Variants in RSF1 observed in about 807,000 individuals in gnomAD.
The protein encoded by RSF1 is remodeling and spacing factor 1, also known as HBV pX-associated protein 8.
Under a neutral mutation model 145.2 loss-of-function variants are expected in RSF1, and 13 were observed. The ratio of observed to expected loss-of-function variants is 0.09; its 90% CI spans 0.06 to 0.14. The LOEUF (loss-of-function observed/expected upper bound fraction) is 0.14. RSF1 is among the 10% of genes least tolerant of loss of function. The pLI, the probability that RSF1 is intolerant of heterozygous loss-of-function variation, is 1.00. For missense variants in RSF1, 1,517 were observed against 1,718.2 expected (o/e 0.88, Z 2.07); for synonymous variants, 577 against 592.6 (o/e 0.97, Z 0.38).
chr11:77,700,383 C>G (rs1278133615), intron 6 of RSF1, among the ~76,000 whole-genome samples: 4 of 128,358 alleles, frequency 3.1e-5, no homozygotes, highest in African/African-American at 8.7e-5. Context: ...AAAAAGACTG[C>G]AAAGATACTA....
At chr11:77,775,352 G>A (rs1212334831) in intron 1 of RSF1, among the ~76,000 whole-genome samples, 1 of 152,072 alleles carries the variant, frequency 6.6e-6, no homozygotes, top group Non-Finnish European at 1.5e-5. Context: ...TGATACAGAA[G>A]AGATGAAAAA....
upstream of RSF1, chr11:77,821,033 G>C: frequency 2.1e-6 from 1 of 478,766 alleles, no homozygotes; most frequent in Non-Finnish European, 3.7e-6. Context: ...GCGGGGCGGG[G>C]AGGCGGGCTG....
rs376528132 is a variant in RSF1 at position 77,678,067 on chromosome 11, G to A, written c.3133+19C>T. The A allele has an allele frequency of 1.4e-5, 23 of 1,596,198 alleles. No individual in the cohort carries two copies. In the African/African-American group the frequency reaches 2.1e-4, roughly 15 times the overall value. On this transcript the variant is annotated intron_variant, in intron 12 of 15. Transcript: ENST00000308488. The stretch of plus-strand genomic sequence containing the variant: ...TCTTGGCAGAGTTCTATGAAGAAGA[G>A]AGAACGACAAACACATACCTCCTCC...
At chr11:77,835,694 G>A in the RSF1 span, among the ~76,000 whole-genome samples, 1 of 152,068 alleles carries the variant, frequency 6.6e-6, no homozygotes. Context: ...TGAGGTGGGC[G>A]GATCGCTTGA....
At chr11:77,696,614 C>G (rs1181825139) in intron 7 of RSF1, among the ~76,000 whole-genome samples, 1 of 152,170 alleles carries the variant, frequency 6.6e-6, no homozygotes, top group East Asian at 1.9e-4. Flanking sequence ...GCCATTGCTG[C>G]CTTAGGTAAA....
At chr11:77,786,046 C>T (rs553921378) in intron 1 of RSF1, among the ~76,000 whole-genome samples, 25 of 147,788 alleles carry the variant, frequency 1.7e-4, no homozygotes, top group South Asian at 1.3e-3. Context: ...TTTAACATTT[C>T]CATAAGGCAA....
At chr11:77,836,276 G>A in the RSF1 span, among the ~76,000 whole-genome samples, 5 of 152,156 alleles carry the variant, frequency 3.3e-5, no homozygotes, top group East Asian at 1.9e-4. Flanking sequence ...CCCCAAAAAC[G>A]ACTGTAGTTA....
chr11:77,687,253 G>A (rs542263818), intron 9 of RSF1, among the ~76,000 whole-genome samples: 1 of 152,236 alleles, frequency 6.6e-6, no homozygotes, highest in South Asian at 2.1e-4. Flanking sequence ...GGGAGAATCA[G>A]CAAACACCAA....
Position 77,820,688 on chromosome 11 carries a change from C to A in RSF1, c.27G>T (p.Ala9=), listed in dbSNP as rs754754871. 4.8e-5 allele frequency: 74 copies of A among 1,552,040 alleles called. No homozygotes were observed. In the Middle Eastern group the frequency reaches 1.7e-3, roughly 35 times the overall value. The change falls in exon 1 of 16, where the codon GCG becomes GCT. Residue 9 remains alanine, a synonymous_variant. Transcript: ENST00000308488. MATAAAAA[A]VMAPPGCPGS... ...CCGGGCAGCCCGGAGGAGCCATCAC[C>A]GCCGCCGCTGCCGCCGCCGTCGCCA...
At position 77,773,932 on chromosome 11, in the gene RSF1, G is replaced by A. The variant is rs183311422; in HGVS notation, c.188-9243C>T. Among the ~76,000 whole-genome samples the A allele has an allele frequency of 8.2e-4, 124 of 152,006 alleles. 1 individual carries two copies. The highest frequency in any genetic ancestry group is 2.6e-3 in the African/African-American group (107 of 41,440). On this transcript the variant is annotated intron_variant, in intron 1 of 15. Coordinates refer to ENST00000308488, the MANE Select transcript of RSF1 (RefSeq NM_016578.4). The stretch of plus-strand genomic sequence containing the variant: ...TCTGGCCAAGATCAAGTGTAGTATC[G>A]GTTCTTATCAGTGTAATATCGACAA...
At position 77,798,928 on chromosome 11, in the gene RSF1, C is replaced by T. The variant is rs147978024; in HGVS notation, c.187+21600G>A. Among the ~76,000 whole-genome samples, 25 of 148,018 alleles carry T rather than the reference C, an allele frequency of 1.7e-4. No homozygotes were observed. In the East Asian group the frequency reaches 3.8e-3, roughly 22 times the overall value. ...TGTATACCTATGTAATGAAACTGCA[C>T]GTTCTGCATATGTACCCCAAAACTT... is the stretch of plus-strand genomic sequence containing the variant. On this transcript the variant is annotated intron_variant, in intron 1 of 15. Transcript: ENST00000308488.
At chr11:77,862,555 A>ATC in the RSF1 span, among the ~76,000 whole-genome samples, 2 of 152,078 alleles carry the variant, frequency 1.3e-5, no homozygotes, top group African/African-American at 2.4e-5. Context: ...CCCTTTGTCT[A>ATC]TCTCCTTTTG....
At chr11:77,797,756 C>G (rs939753885) in intron 1 of RSF1, among the ~76,000 whole-genome samples, 2 of 152,192 alleles carry the variant, frequency 1.3e-5, no homozygotes, top group African/African-American at 4.8e-5. Flanking sequence ...TTTTTGCAAT[C>G]TATCCATCTG....
At chr11:77,770,413 C>A (rs1948270753) in intron 1 of RSF1, among the ~76,000 whole-genome samples, 1 of 152,328 alleles carries the variant, frequency 6.6e-6, no homozygotes, top group Admixed American at 6.5e-5. Context: ...CCAGATCGTG[C>A]CACTGCACTC....
chr11:77,745,784 A>G (rs1369710539), intron 3 of RSF1, among the ~76,000 whole-genome samples: 1 of 151,436 alleles, frequency 6.6e-6, no homozygotes, highest in African/African-American at 2.4e-5. Context: ...ATTTCTTCCT[A>G]TCTCTGCCCG....
chr11:77,742,420 CA>C (rs1247413498), intron 3 of RSF1, among the ~76,000 whole-genome samples: 1 of 152,134 alleles, frequency 6.6e-6, no homozygotes, highest in Non-Finnish European at 1.5e-5. Flanking sequence ...GCTGGGACTA[CA>C]GGGGCGTGCC....
At chr11:77,821,235 G>C, upstream of RSF1, 1 of 260,316 alleles carries the variant, frequency 3.8e-6, no homozygotes, top group Non-Finnish European at 7.3e-6. Flanking sequence ...AGGAGACAGT[G>C]CGGTGGGTGA....
intron 1 of RSF1, among the ~76,000 whole-genome samples, chr11:77,787,970 A>G (rs1364798675): frequency 6.7e-6 from 1 of 150,058 alleles, no homozygotes; most frequent in Non-Finnish European, 1.5e-5. Context: ...CTCTACTAAA[A>G]ATACAAAAAA....
At chr11:77,822,823 A>G (rs1455295307), upstream of RSF1, among the ~76,000 whole-genome samples, 1 of 152,264 alleles carries the variant, frequency 6.6e-6, no homozygotes, top group South Asian at 2.1e-4. Context: ...TCTAAAGAAC[A>G]CTGTAAATGT....
Sources: allele counts gnomAD v4.1 joint callset (sites outside exome capture counted in the v4.1 genomes callset), GRCh38; gene constraint gnomAD v4.1.1; transcripts MANE v1.5; gene names NCBI Gene and HGNC (gene_info 2026-07-23, HGNC 2026-07-21).